The following ANKRD36C variants were observed in gnomAD, a reference collection of about 807,000 sequenced individuals.
ANKRD36C encodes ankyrin repeat domain 36C.
A neutral mutation model predicts 276.4 loss-of-function variants in ANKRD36C; 61 were observed. The ratio of observed to expected loss-of-function variants is 0.22; its 90% CI spans 0.18 to 0.27. The LOEUF (loss-of-function observed/expected upper bound fraction) is 0.27, where lower values mean the gene tolerates loss of function less well. Ranked by LOEUF, ANKRD36C falls within the 10% of genes least tolerant of loss-of-function variation. The pLI, the probability that ANKRD36C is intolerant of heterozygous loss-of-function variation, is 1.00. For synonymous variants in ANKRD36C, 483 were observed against 680.1 expected, an observed-to-expected ratio of 0.71 and a Z score of 4.51; for missense variants, 1,447 against 2,032.3, an observed-to-expected ratio of 0.71 and a Z score of 5.54.
intron 44 of ANKRD36C, among the ~76,000 whole-genome samples, chr2:95,896,551 A>T (rs1394400931): frequency 6.7e-6 from 1 of 149,288 alleles, no homozygotes; most frequent in Non-Finnish European, 1.5e-5. Context: ...ATTCAAGATT[A>T]TCTCATTTTT....
exon 42 of ANKRD36C, chr2:95,912,309 C>T (rs748251452): frequency 5.1e-6 from 8 of 1,581,452 alleles, no homozygotes; most frequent in South Asian, 1.1e-5. Flanking sequence ...TTTCTCATCA[C>T]TTGTAGCCTG....
intron 6 of ANKRD36C, among the ~76,000 whole-genome samples, chr2:95,966,170 A>G (rs1678586872): frequency 6.6e-6 from 1 of 152,214 alleles, no homozygotes; most frequent in Non-Finnish European, 1.5e-5. Flanking sequence ...TCTTTAGTTT[A>G]ATTAGATCCC....
At chr2:95,964,900 C>T (rs544352686) in intron 6 of ANKRD36C, among the ~76,000 whole-genome samples, 113 of 152,026 alleles carry the variant, frequency 7.4e-4, no homozygotes, top group African/African-American at 2.5e-3. Context: ...TATGTCTATG[C>T]CTTCCAGAGA....
intron 42 of ANKRD36C, 67 bp downstream of exon 44, chr2:95,912,177 A>C: frequency 6.5e-7 from 1 of 1,533,174 alleles, no homozygotes; most frequent in Admixed American, 2.0e-5. Context: ...CCCCCCACTG[A>C]TTTATTCGGG....
chr2:95,949,181 A>C (rs2104480442), intron 16 of ANKRD36C, among the ~76,000 whole-genome samples: 1 of 152,318 alleles, frequency 6.6e-6, no homozygotes, highest in South Asian at 2.1e-4. Flanking sequence ...CAAATGTTTG[A>C]AAGCTGAGTG....
chr2:95,974,965 C>T (rs963323213), intron 6 of ANKRD36C, among the ~76,000 whole-genome samples: 4 of 151,818 alleles, frequency 2.6e-5, no homozygotes, highest in African/African-American at 9.7e-5. Context: ...TATCCATGTC[C>T]CTACAAAGGA....
rs975427266 is a variant in ANKRD36C, at chr2:95,871,175, A to G, written c.3541-3594T>C. Reference sequence around the variant, plus strand: ...CAGGAAATACAGACAACGCCACAAAAATACCCCTTGAGAAGAGCAACTCCA... The same window carrying G: ...CAGGAAATACAGACAACGCCACAAAGATACCCCTTGAGAAGAGCAACTCCA... On this transcript the variant is annotated intron_variant, in intron 59 of 66. Transcript: ENST00000456556. Among the ~76,000 whole-genome samples the G allele has an allele frequency of 5.5e-3, 837 of 152,194 alleles. 6 individuals are homozygous for G. Among genetic ancestry groups the G allele is most frequent in the African/African-American group, 0.019 (781 of 41,514 alleles).
At chr2:95,963,702 T>C (rs4539829) in intron 6 of ANKRD36C, among the ~76,000 whole-genome samples, 1 of 112,094 alleles carries the variant, frequency 8.9e-6, no homozygotes, top group African/African-American at 3.5e-5. Flanking sequence ...TGAGTTCAGT[T>C]ATACTTAGAG....
chr2:95,879,952 G>A (rs1356718359), intron 58 of ANKRD36C, among the ~76,000 whole-genome samples: 7 of 141,916 alleles, frequency 4.9e-5, no homozygotes, highest in Non-Finnish European at 6.1e-5. Context: ...AGGGCGAGGC[G>A]GGAGGATCAC....
At chr2:95,890,616 T>C (rs1448344798) in intron 46 of ANKRD36C, among the ~76,000 whole-genome samples, 2 of 151,578 alleles carry the variant, frequency 1.3e-5, no homozygotes, top group African/African-American at 2.4e-5. Flanking sequence ...TACACTAGTA[T>C]AGACTTCTGA....
intron 42 of ANKRD36C, chr2:95,910,435 T>C (rs1474331163): frequency 6.4e-7 from 1 of 1,566,004 alleles, no homozygotes; most frequent in African/African-American, 1.4e-5. Flanking sequence ...ATCTTCCTCG[T>C]CACTTGTAGC....
intron 16 of ANKRD36C, among the ~76,000 whole-genome samples, chr2:95,949,345 G>C (rs1678136208): frequency 1.3e-5 from 2 of 152,164 alleles, no homozygotes; most frequent in African/African-American, 2.4e-5. Context: ...TAGACACTCA[G>C]ATACCCAAGA....
exon 50 of ANKRD36C, chr2:95,887,964 T>C (rs1676239667): frequency 1.9e-6 from 3 of 1,599,640 alleles, no homozygotes; most frequent in African/African-American, 1.3e-5. Context: ...TCTGTGGGTA[T>C]ATTCGAAACA....
At chr2:95,949,068 A>T (rs1353722749) in intron 16 of ANKRD36C, among the ~76,000 whole-genome samples, 1 of 152,118 alleles carries the variant, frequency 6.6e-6, no homozygotes, top group Non-Finnish European at 1.5e-5. Context: ...AATCTGTGTC[A>T]CTGGAAAATG....
chr2:95,926,569 A>G (rs2104432607), intron 28 of ANKRD36C, among the ~76,000 whole-genome samples: 1 of 151,722 alleles, frequency 6.6e-6, no homozygotes, highest in South Asian at 2.1e-4. Flanking sequence ...CAACAGTAAC[A>G]AAGAGGAGTA....
At chr2:95,879,787 G>GTA (rs1241512367) in intron 58 of ANKRD36C, among the ~76,000 whole-genome samples, 7 of 150,740 alleles carry the variant, frequency 4.6e-5, no homozygotes, top group African/African-American at 1.7e-4. Context: ...ATATTTTACA[G>GTA]TATCAAAATT....
chr2:95,952,290 C>T (rs572630990), intron 14 of ANKRD36C, among the ~76,000 whole-genome samples: 1,175 of 147,470 alleles, frequency 8.0e-3, no homozygotes, highest in African/African-American at 0.03. Context: ...TGTGTAAATA[C>T]TTATGTAACA....
chr2:95,889,724 C>G (rs200418948), intron 48 of ANKRD36C, 75 bp downstream of exon 68: 6 of 1,508,676 alleles, frequency 4.0e-6, no homozygotes, highest in Non-Finnish European at 5.4e-6. Flanking sequence ...ACGAACCCCC[C>G]GCTGCTTTAT....
intron 56 of ANKRD36C, 46 bp downstream of exon 76, chr2:95,882,256 T>G: frequency 6.5e-7 from 1 of 1,546,852 alleles, no homozygotes. Context: ...GGACATTGTC[T>G]TCTATCTTGA....
Sources: allele counts gnomAD v4.1 joint callset (sites outside exome capture counted in the v4.1 genomes callset), GRCh38; gene constraint gnomAD v4.1.1; transcripts MANE v1.5; gene names NCBI Gene and HGNC (gene_info 2026-07-23, HGNC 2026-07-21).